The following SPECC1 variants were observed in gnomAD, a reference collection of about 807,000 sequenced individuals.
SPECC1 encodes the protein sperm antigen with calponin homology and coiled-coil domains 1, also known as cytospin-B.
Under a neutral mutation model 104.1 loss-of-function variants are expected in SPECC1, and 62 were observed. The observed-to-expected ratio is 0.60, with a 90% confidence interval of 0.49 to 0.74. SPECC1 has a LOEUF of 0.74. Among genes scored for constraint, SPECC1 ranks in the 30% least tolerant of loss-of-function variants. SPECC1 has a pLI of 0.00. For synonymous variants in SPECC1, 513 were observed against 501.6 expected (o/e 1.02, Z -0.30); for missense variants, 1,306 against 1,310.5 (o/e 1.00, Z 0.05).
intron 3 of SPECC1, among the ~76,000 whole-genome samples, chr17:20,156,911 G>A (rs977832416): frequency 1.3e-5 from 2 of 152,118 alleles, no homozygotes; most frequent in Non-Finnish European, 2.9e-5. Context: ...AAGCAAAAGG[G>A]ATTTAGTTTT....
intron 3 of SPECC1, among the ~76,000 whole-genome samples, chr17:20,171,280 C>T (rs1418581990): frequency 1.3e-5 from 2 of 152,090 alleles, no homozygotes; most frequent in Non-Finnish European, 2.9e-5. Context: ...ATTTGTGTTT[C>T]TGTGTTCCTC....
At chr17:20,025,857 T>A (rs1298309775) in intron 1 of SPECC1, among the ~76,000 whole-genome samples, 1 of 152,186 alleles carries the variant, frequency 6.6e-6, no homozygotes, top group African/African-American at 2.4e-5. Context: ...TTTTTTCACA[T>A]CCTTACCAAC....
At chr17:20,124,132 G>C (rs956647738) in intron 3 of SPECC1, among the ~76,000 whole-genome samples, 1 of 152,140 alleles carries the variant, frequency 6.6e-6, no homozygotes, top group Non-Finnish European at 1.5e-5. Flanking sequence ...GGGATGTCAG[G>C]GAATGGGGAG....
At chr17:20,269,677 T>A (rs2040334025) in intron 12 of SPECC1, among the ~76,000 whole-genome samples, 2 of 152,194 alleles carry the variant, frequency 1.3e-5, no homozygotes, top group African/African-American at 4.8e-5. Context: ...CCCGGCCGGT[T>A]GGCAGCATTT....
intron 10 of SPECC1, among the ~76,000 whole-genome samples, chr17:20,256,886 C>A (rs1293365234): frequency 2.6e-5 from 4 of 152,194 alleles, no homozygotes; most frequent in Admixed American, 2.6e-4. Flanking sequence ...CTGGAGGATT[C>A]AGTTCATTTC....
In SPECC1 at chr17:20,110,489, G is replaced by A. The variant is rs3764436; in HGVS notation, c.210G>A (p.Val70=). The A allele has an allele frequency of 0.13, 207,803 of 1,613,730 alleles. 13,899 individuals are homozygous for A. Among genetic ancestry groups the A allele is most frequent in the Non-Finnish European group, 0.14 (163,333 of 1,179,828 alleles). The change falls in exon 3 of 15, where the codon GTG becomes GTA. Residue 70 remains valine, a synonymous_variant. Transcript: ENST00000395527. ...NKPGSTAASG[V]VRLKKTATAG... ...CAGGAAGTACCGCTGCATCGGGGGTGGTTCGCCTGAAGAAGACCGCCACTG... is the reference window on the plus strand; with the variant it reads ...CAGGAAGTACCGCTGCATCGGGGGTAGTTCGCCTGAAGAAGACCGCCACTG...
At chr17:20,147,855 G>T (rs933651673) in intron 3 of SPECC1, among the ~76,000 whole-genome samples, 1 of 152,174 alleles carries the variant, frequency 6.6e-6, no homozygotes, top group Non-Finnish European at 1.5e-5. Context: ...GGGCAACATA[G>T]TGAGATCCCA....
chr17:20,164,553 C>G (rs2033476665), intron 3 of SPECC1, among the ~76,000 whole-genome samples: 1 of 151,898 alleles, frequency 6.6e-6, no homozygotes, highest in African/African-American at 2.4e-5. Context: ...CTTACCCTAC[C>G]CAGACTTCAG....
At chr17:20,309,574 C>T (rs982862334) in intron 14 of SPECC1, among the ~76,000 whole-genome samples, 7 of 151,348 alleles carry the variant, frequency 4.6e-5, no homozygotes, top group East Asian at 1.9e-4. Context: ...TTGTAGTCCC[C>T]AGTGTCTACT....
chr17:20,303,887 A>T (rs928287828), intron 13 of SPECC1, among the ~76,000 whole-genome samples: 1 of 152,048 alleles, frequency 6.6e-6, no homozygotes, highest in African/African-American at 2.4e-5. Context: ...CAAGAGGCAG[A>T]GGTGGCAGTG....
chr17:20,109,876 A>C (rs1190449207), intron 2 of SPECC1, among the ~76,000 whole-genome samples: 1 of 151,972 alleles, frequency 6.6e-6, no homozygotes, highest in African/African-American at 2.4e-5. Flanking sequence ...ATTTTTGTTT[A>C]GAGACGAGGT....
chr17:20,144,175 CTTT>C (rs1168474738), intron 3 of SPECC1, among the ~76,000 whole-genome samples: 38,717 of 94,134 alleles, frequency 0.41, 6,830 homozygotes, highest in Middle Eastern at 0.6. Flanking sequence ...TTTTTCTTTT[CTTT>C]TTTTTTTTTT....
At chr17:20,223,463 C>T (rs1404943209) in intron 4 of SPECC1, among the ~76,000 whole-genome samples, 1 of 151,962 alleles carries the variant, frequency 6.6e-6, no homozygotes, top group Non-Finnish European at 1.5e-5. Context: ...ATCACGAGGT[C>T]AGGAGTTTGA....
intron 3 of SPECC1, among the ~76,000 whole-genome samples, chr17:20,179,913 T>A (rs2189709): frequency 0.43 from 64,765 of 151,968 alleles, 14,392 homozygotes; most frequent in East Asian, 0.8. Flanking sequence ...TTGGAACATC[T>A]AGGAAATAGC....
At chr17:20,012,917 A>G (rs60740483) in intron 1 of SPECC1, among the ~76,000 whole-genome samples, 2,425 of 152,242 alleles carry the variant, frequency 0.016, 58 homozygotes, top group African/African-American at 0.055. Context: ...TATTTTAGGT[A>G]CCTTGCATGA....
intron 4 of SPECC1, among the ~76,000 whole-genome samples, chr17:20,218,776 A>G (rs1367557421): frequency 6.6e-6 from 1 of 152,182 alleles, no homozygotes; most frequent in Non-Finnish European, 1.5e-5. Context: ...TATTGTATCC[A>G]TTAACCATCC....
At chr17:20,095,111 A>G (rs966910680) in intron 1 of SPECC1, among the ~76,000 whole-genome samples, 4 of 152,226 alleles carry the variant, frequency 2.6e-5, no homozygotes, top group African/African-American at 9.6e-5. Context: ...TCATGAAATT[A>G]GTTACTGTAT....
chr17:20,236,394 T>G (rs1208230516), intron 7 of SPECC1, among the ~76,000 whole-genome samples: 1 of 88,320 alleles, frequency 1.1e-5, no homozygotes, highest in Non-Finnish European at 2.2e-5. Flanking sequence ...TCTAAAGAGC[T>G]GTGTCTGCCT....
intron 1 of SPECC1, among the ~76,000 whole-genome samples, chr17:20,095,513 C>T (rs987582991): frequency 2.0e-5 from 3 of 152,140 alleles, no homozygotes; most frequent in East Asian, 1.9e-4. Flanking sequence ...ACTAGATGGT[C>T]GGGAACTAGA....
Sources: gnomAD v4.1 joint callset for allele counts (sites outside exome capture counted in the v4.1 genomes callset) on GRCh38, gnomAD v4.1.1 for gene constraint, MANE v1.5 for transcripts, NCBI Gene and HGNC (gene_info 2026-07-23, HGNC 2026-07-21) for gene names.